Variants in SHPRH observed in about 807,000 individuals in gnomAD.
SHPRH encodes the protein SNF2 histone linker PHD RING helicase.
Under a neutral mutation model 202.5 loss-of-function variants are expected in SHPRH, and 106 were observed. The ratio of observed to expected loss-of-function variants is 0.52; its 90% CI spans 0.45 to 0.62. SHPRH has a LOEUF of 0.62. SHPRH is among the 20% of genes least tolerant of loss of function. The probability of loss-of-function intolerance (pLI) is 0.00; values close to 1 mark genes in which losing one functional copy is unlikely to be tolerated. For synonymous variants in SHPRH, 729 were observed against 686.0 expected (o/e 1.06, Z -0.98); for missense variants, 1,710 against 2,020.0 (o/e 0.85, Z 2.94).
chr6:145,943,941 A>G (rs372047227), intron 8 of SHPRH, 139 bp from the exon 9 acceptor site: 5 of 806,076 alleles, frequency 6.2e-6, no homozygotes, highest in South Asian at 2.0e-5. Flanking sequence ...ATCACTCCTG[A>G]TAAGTGGCTT....
At chr6:145,921,042 G>T in intron 21 of SHPRH, 125 bp downstream of exon 21, 2 of 757,456 alleles carry the variant, frequency 2.6e-6, no homozygotes, top group Non-Finnish European at 4.1e-6. Flanking sequence ...CAGGCAAAGA[G>T]AAATTATGCC....
Position 145,943,375 on chromosome 6 carries a change from A to G in SHPRH, c.2006T>C (p.Ile669Thr), listed in dbSNP as rs754674231. 4.3e-6 allele frequency: 7 copies of G among 1,613,904 alleles called. No individual in the cohort carries two copies. In the South Asian group the frequency reaches 6.6e-5, roughly 15 times the overall value. The change falls in exon 9 of 30, where the codon ATA becomes ACA. Residue 669 changes from isoleucine (I) to threonine (T), a missense_variant. This residue lies in a region of SHPRH where 348 missense variants were observed against 356.9 expected (regional missense o/e 0.97). Coordinates refer to ENST00000275233, the MANE Select transcript of SHPRH (RefSeq NM_001042683.3). ...FECICGELDQ[I>T]DRKPRVQCLK... is the part of the protein sequence containing the mutation. ...GCATTGAACACGAGGCTTACGATCT[A>G]TCTGATCAAGTTCACCACATATACA...
intron 3 of SHPRH, 116 bp downstream of exon 3, chr6:145,952,232 AT>A (rs1180950876): frequency 3.2e-6 from 3 of 944,160 alleles, no homozygotes; most frequent in African/African-American, 3.3e-5. Context: ...CCATATAATC[AT>A]TTAATTTTTA....
At position 145,927,367 on chromosome 6, in the gene SHPRH, A is replaced by T. The variant is rs567547290; in HGVS notation, c.3113-90T>A. 39 of 1,135,316 alleles carry T rather than the reference A, an allele frequency of 3.4e-5. No individual in the cohort carries two copies. The Middle Eastern group carries it at 1.4e-3, about 41-fold the overall frequency. 70.3% of individuals were successfully genotyped at this position (1,135,316 alleles called of 1,614,324 possible). On this transcript the variant is annotated intron_variant, in intron 14 of 29. Coordinates refer to ENST00000275233, the MANE Select transcript of SHPRH (RefSeq NM_001042683.3). ...TTGTCCATTATTTAAGAATACTGTA[A>T]AAATAAAATGTAATGATTATAACTT...
At chr6:145,931,924 A>G (rs1376633110) in intron 14 of SHPRH, among the ~76,000 whole-genome samples, 1 of 149,710 alleles carries the variant, frequency 6.7e-6, no homozygotes, top group Non-Finnish European at 1.5e-5. Context: ...ACTCCAATAC[A>G]TTTATATTAG....
intron 2 of SHPRH, chr6:145,876,641 A>C (rs1450486477): frequency 6.6e-6 from 1 of 152,092 alleles, no homozygotes; most frequent in Non-Finnish European, 1.5e-5. Context: ...ATTCACATAC[A>C]AGTTTTTCTG....
At chr6:145,950,638 T>C (rs1787881655) in intron 3 of SHPRH, among the ~76,000 whole-genome samples, 156 bp from the exon 4 acceptor site, 1 of 152,096 alleles carries the variant, frequency 6.6e-6, no homozygotes, top group African/African-American at 2.4e-5. Context: ...TCTTCATTAA[T>C]CAAAAATCTA....
At chr6:145,917,783 A>G (rs1562317719) in intron 23 of SHPRH, 2 of 167,480 alleles carry the variant, frequency 1.2e-5, no homozygotes, top group East Asian at 1.6e-4. Context: ...AACAAATTAC[A>G]ACATATTTTT....
At chr6:145,948,464 T>C in intron 4 of SHPRH, 114 bp from the exon 5 acceptor site, 1 of 667,122 alleles carries the variant, frequency 1.5e-6, no homozygotes, top group Non-Finnish European at 2.4e-6. Context: ...GATACCCATA[T>C]TCTTGTGAAA....
At chr6:145,870,422 C>T (rs541352044) in intron 2 of SHPRH, among the ~76,000 whole-genome samples, 3 of 152,016 alleles carry the variant, frequency 2.0e-5, no homozygotes, top group Admixed American at 6.6e-5. Context: ...CCACCACACC[C>T]AGCTAATTTT....
intron 1 of SHPRH, among the ~76,000 whole-genome samples, chr6:145,963,371 T>C (rs1789302447): frequency 6.6e-6 from 1 of 152,170 alleles, no homozygotes; most frequent in Non-Finnish European, 1.5e-5. Context: ...GTTCCTTAAG[T>C]ACAAGTTGGA....
At chr6:145,919,806 A>G (rs959577799) in intron 21 of SHPRH, among the ~76,000 whole-genome samples, 1 of 152,134 alleles carries the variant, frequency 6.6e-6, no homozygotes, top group Admixed American at 6.6e-5. Context: ...TTATTATAAC[A>G]TATTTCACAT....
At chr6:145,881,085 T>C (rs1421933855), downstream of SHPRH, among the ~76,000 whole-genome samples, 15 of 152,234 alleles carry the variant, frequency 9.9e-5, no homozygotes, top group Admixed American at 9.2e-4. Flanking sequence ...GCATAAATTA[T>C]AGTTGGAGTA....
intron 2 of SHPRH, among the ~76,000 whole-genome samples, chr6:145,865,285 T>C (rs778735702): frequency 1.3e-5 from 2 of 152,136 alleles, no homozygotes; most frequent in Non-Finnish European, 2.9e-5. Flanking sequence ...GGAGCCCTCA[T>C]GGTGAGATTA....
chr6:145,871,605 T>A (rs1453564883), intron 2 of SHPRH: 1 of 152,170 alleles, frequency 6.6e-6, no homozygotes, highest in African/African-American at 2.4e-5. Flanking sequence ...CAATATTATG[T>A]AAATGGTCAT....
At chr6:145,943,090 G>A in intron 9 of SHPRH, 53 bp downstream of exon 9, 1 of 1,507,248 alleles carries the variant, frequency 6.6e-7, no homozygotes, top group Non-Finnish European at 8.9e-7. Context: ...AAACTATCAT[G>A]AAGAAGCAAA....
chr6:145,946,293 G>T lies in SHPRH; in HGVS notation c.1261C>A (p.Leu421Met). ...FIPSHYFGGK[L>M]KKTEIQNIEF... is the part of the protein sequence containing the mutation. ...ATATTCTGGATTTCTGTCTTTTTCA[G>T]TTTTCCTCCAAAATAATGTGACGGA... Residue 421 changes from leucine (L) to methionine (M), a missense_variant, in exon 7 of 30, where the codon CTG becomes ATG. By Grantham distance (15) the Leu-to-Met change is conservative. This residue lies in a region of SHPRH where 348 missense variants were observed against 356.9 expected (regional missense o/e 0.97). Coordinates refer to ENST00000275233, the MANE Select transcript of SHPRH (RefSeq NM_001042683.3). 1 of 1,607,986 alleles carries T rather than the reference G, an allele frequency of 6.2e-7. No individual in the cohort carries two copies. The highest frequency in any genetic ancestry group is 8.5e-7 in the Non-Finnish European group (1 of 1,177,012).
chr6:145,947,465 T>A, intron 6 of SHPRH, 28 bp downstream of exon 6: 1 of 1,604,796 alleles, frequency 6.2e-7, no homozygotes. Context: ...TGTCCCCTGC[T>A]TTTGCAAGCC....
chr6:145,928,016 G>C (rs961386571), intron 14 of SHPRH, among the ~76,000 whole-genome samples: 1 of 151,828 alleles, frequency 6.6e-6, no homozygotes, highest in African/African-American at 2.4e-5. Flanking sequence ...AGCTTAGAAT[G>C]AATTTTACAT....
Sources: allele counts gnomAD v4.1 joint callset (sites outside exome capture counted in the v4.1 genomes callset), GRCh38; gene constraint gnomAD v4.1.1; regional missense constraint gnomAD v4.1.1; transcripts MANE v1.5; gene names NCBI Gene and HGNC (gene_info 2026-07-23, HGNC 2026-07-21).